The following TPGS2 variants were observed in gnomAD, a reference collection of about 807,000 sequenced individuals.
TPGS2 encodes tubulin polyglutamylase complex subunit 2, also known as polyglutamylase subunit 2.
In TPGS2, 26 loss-of-function variants were observed where a neutral mutation model predicts 31.1. The ratio of observed to expected loss-of-function variants is 0.84; its 90% CI spans 0.61 to 1.16. TPGS2 has a LOEUF of 1.16. Among genes scored for constraint, TPGS2 ranks in the 50% most tolerant of loss-of-function variants. The pLI, the probability that TPGS2 is intolerant of heterozygous loss-of-function variation, is 0.00. For synonymous variants in TPGS2, 130 were observed against 136.6 expected, an observed-to-expected ratio of 0.95 and a Z score of 0.34; for missense variants, 351 against 363.8, an observed-to-expected ratio of 0.96 and a Z score of 0.29.
intron 1 of TPGS2, 136 bp downstream of exon 1, chr18:36,828,547 G>A: frequency 1.1e-6 from 1 of 940,580 alleles, no homozygotes; most frequent in South Asian, 1.6e-5. Context: ...ACTTTCCTCT[G>A]TAACAACGGA....
intron 1 of TPGS2, chr18:36,821,069 TGA>T (rs1246854223): frequency 1.3e-5 from 2 of 152,216 alleles, no homozygotes; most frequent in Non-Finnish European, 2.9e-5. Flanking sequence ...CACTTCTCAT[TGA>T]GAGGTGAGTC....
chr18:36,795,429 C>T lies in TPGS2; in HGVS notation c.*1376G>A, dbSNP rs1317111989. 1.0e-6 allele frequency: 1 copy of T among 985,308 alleles called. No individual in the cohort carries two copies. Among genetic ancestry groups the T allele is most frequent in the Non-Finnish European group, 1.2e-6 (1 of 829,952 alleles). The allele number at this position is 985,308 out of a possible 1,614,324, so 61.0% of individuals were successfully genotyped here. ...CTCATTCCTCAAAACTCCTAATTCT[C>T]TAACCTCTGGGACTTCAGTACAAAA... On this transcript the variant is annotated 3_prime_UTR_variant, in exon 7 of 7. Transcript: ENST00000334295.
chr18:36,808,426 C>G (rs1279030914), intron 2 of TPGS2, among the ~76,000 whole-genome samples: 2 of 152,122 alleles, frequency 1.3e-5, no homozygotes, highest in African/African-American at 4.8e-5. Flanking sequence ...GTCACGAGAT[C>G]AGGAGATGGA....
intron 1 of TPGS2, among the ~76,000 whole-genome samples, chr18:36,823,363 A>G (rs2045975698): frequency 6.6e-6 from 1 of 151,572 alleles, no homozygotes; most frequent in East Asian, 1.9e-4. Context: ...GGCCACCTAC[A>G]TTCCTTGTTA....
At chr18:36,814,265 G>T (rs1206974199) in intron 2 of TPGS2, among the ~76,000 whole-genome samples, 1 of 152,234 alleles carries the variant, frequency 6.6e-6, no homozygotes, top group Admixed American at 6.5e-5. Context: ...GAAAAGCTCA[G>T]TGTAGACACT....
chr18:36,807,944 C>A lies in TPGS2; in HGVS notation c.166-10G>T. ...TCACACAGTTATTCTTCTAGAATCA[C>A]AAAGCAGCTAAGTGTTAGGTAAGGG... On this transcript the variant is annotated splice_polypyrimidine_tract_variant and intron_variant, in intron 2 of 6. Coordinates refer to ENST00000334295, the MANE Select transcript of TPGS2 (RefSeq NM_015476.4). The A allele has an allele frequency of 6.2e-7, 1 of 1,614,006 alleles. No individual in the cohort carries two copies. Among genetic ancestry groups the A allele is most frequent in the South Asian group, 1.1e-5 (1 of 91,068 alleles).
Position 36,796,272 on chromosome 18 carries a change from C to T in TPGS2, c.*533G>A. On this transcript the variant is annotated 3_prime_UTR_variant, in exon 7 of 7. Transcript: ENST00000334295. Reference sequence around the variant, plus strand: ...TGAAAATATTCTAATGCAGTGCTGTCCAACAGAACTTTCTGTGGTGATGGA... The same window carrying T: ...TGAAAATATTCTAATGCAGTGCTGTTCAACAGAACTTTCTGTGGTGATGGA... 1.0e-6 allele frequency: 1 copy of T among 985,312 alleles called. No individual in the cohort carries two copies. Among genetic ancestry groups the T allele is most frequent in the South Asian group, 4.7e-5 (1 of 21,274 alleles). The allele number at this position is 985,312 out of a possible 1,614,324, so 61.0% of individuals were successfully genotyped here.
intron 6 of TPGS2, 39 bp from the exon 7 acceptor site, chr18:36,797,089 G>A: frequency 1.3e-6 from 2 of 1,594,178 alleles, no homozygotes; most frequent in East Asian, 2.3e-5. Flanking sequence ...ACAATTCAAA[G>A]GAAAAATGCC....
At position 36,800,186 on chromosome 18, in the gene TPGS2, A is replaced by T; in HGVS notation, c.496+12T>A. The T allele has an allele frequency of 6.2e-7, 1 of 1,613,086 alleles. No homozygotes were observed. Among genetic ancestry groups the T allele is most frequent in the African/African-American group, 1.3e-5 (1 of 75,012 alleles). On this transcript the variant is annotated intron_variant, in intron 5 of 6. Coordinates refer to ENST00000334295, the MANE Select transcript of TPGS2 (RefSeq NM_015476.4). Reference sequence around the variant, plus strand: ...GCCAAACTACGGGACCACGCTTGTAAACAATTCTTACCTGGTTTCCCACTT... The same window carrying T: ...GCCAAACTACGGGACCACGCTTGTATACAATTCTTACCTGGTTTCCCACTT...
chr18:36,812,902 C>G (rs1326712528), intron 2 of TPGS2, among the ~76,000 whole-genome samples: 1 of 152,178 alleles, frequency 6.6e-6, no homozygotes, highest in Non-Finnish European at 1.5e-5. Flanking sequence ...CCTTGCAACA[C>G]ACACACATTT....
intron 2 of TPGS2, among the ~76,000 whole-genome samples, chr18:36,813,857 A>C (rs2045538588): frequency 6.6e-6 from 1 of 152,170 alleles, no homozygotes; most frequent in South Asian, 2.1e-4. Flanking sequence ...AACACAGAGA[A>C]TCTCCCAGGC....
At chr18:36,828,628 C>A in intron 1 of TPGS2, 55 bp downstream of exon 1, 1 of 1,596,360 alleles carries the variant, frequency 6.3e-7, no homozygotes, top group South Asian at 1.1e-5. Context: ...CTCATCCCTC[C>A]GCTCCTCCTT....
At chr18:36,821,624 T>C (rs1425057417) in intron 1 of TPGS2, among the ~76,000 whole-genome samples, 1 of 152,218 alleles carries the variant, frequency 6.6e-6, no homozygotes, top group East Asian at 1.9e-4. Flanking sequence ...GTTAGATATA[T>C]AAGACAAACA....
At chr18:36,822,475 A>G (rs972384581) in intron 1 of TPGS2, among the ~76,000 whole-genome samples, 11 of 148,422 alleles carry the variant, frequency 7.4e-5, no homozygotes, top group African/African-American at 2.9e-4. Context: ...TCCCAGAAAC[A>G]TGCATCCATC....
chr18:36,799,272 A>C (rs115730311), intron 5 of TPGS2, among the ~76,000 whole-genome samples: 1 of 152,154 alleles, frequency 6.6e-6, no homozygotes, highest in Non-Finnish European at 1.5e-5. Context: ...CCATTTTACT[A>C]AACAACCTTC....
rs771388026 is a variant in TPGS2, at chr18:36,800,221, A to T, written c.473T>A (p.Leu158His). The part of the protein sequence containing the change: ...DSCNGSGKVC[L>H]VYKSGKPALA... ...ACCTGGTTTCCCACTTTTGTAGACA[A>T]GGCAAACTTTCCCACTGCCATTGCA... is the stretch of plus-strand genomic sequence containing the variant. The change falls in exon 5 of 7, where the codon CTT becomes CAT. Residue 158 changes from leucine to histidine, a missense_variant. Physicochemically the swap from Leu to His is moderately conservative, Grantham distance 99. Transcript: ENST00000334295. The T allele has an allele frequency of 1.9e-6, 3 of 1,614,144 alleles. No homozygotes were observed. Among genetic ancestry groups the T allele is most frequent in the Non-Finnish European group, 2.5e-6 (3 of 1,179,998 alleles).
At chr18:36,804,159 T>A (rs919197360) in intron 4 of TPGS2, among the ~76,000 whole-genome samples, 1 of 152,216 alleles carries the variant, frequency 6.6e-6, no homozygotes, top group African/African-American at 2.4e-5. Context: ...CTGATGATCC[T>A]CTCTCTGACT....
intron 2 of TPGS2, among the ~76,000 whole-genome samples, chr18:36,815,055 C>G (rs2045593720): frequency 6.6e-6 from 1 of 152,192 alleles, no homozygotes; most frequent in African/African-American, 2.4e-5. Flanking sequence ...GCTGTGATCA[C>G]CAGGTACACC....
rs1467512803 is a variant in TPGS2 at position 36,786,246 on chromosome 18, G to A, written c.658-3115C>T. Among the ~76,000 whole-genome samples, 3 of 152,210 alleles carry A rather than the reference G, an allele frequency of 2.0e-5. No homozygotes were observed. The East Asian group carries it at 5.8e-4, about 29-fold the overall frequency. ...TAGAATAAGGGGTCAGTTAGCGTCT[G>A]GTGGTGTTCTGTCACCCAGGCTGGA... is the stretch of plus-strand genomic sequence containing the variant. On this transcript the variant is annotated intron_variant, in intron 6 of 6. Transcript: ENST00000587129.
Sources: allele counts gnomAD v4.1 joint callset (sites outside exome capture counted in the v4.1 genomes callset), GRCh38; gene constraint gnomAD v4.1.1; transcripts MANE v1.5; gene names NCBI Gene and HGNC (gene_info 2026-07-23, HGNC 2026-07-21).